SH3GL3: variants seen among roughly 807,000 people sequenced by gnomAD.
The protein encoded by SH3GL3 is endophilin-A3.
A neutral mutation model predicts 47.7 loss-of-function variants in SH3GL3; 33 were observed. That is an observed-to-expected ratio of 0.69 (90% CI 0.52 to 0.92). SH3GL3 has a LOEUF of 0.92. Ranked by LOEUF, SH3GL3 falls within the 40% of genes least tolerant of loss-of-function variation. The pLI is 0.00. For missense variants in SH3GL3, 363 were observed against 417.8 expected, an observed-to-expected ratio of 0.87 and a Z score of 1.14; for synonymous variants, 155 against 148.8, an observed-to-expected ratio of 1.04 and a Z score of -0.30.
intron 1 of SH3GL3, among the ~76,000 whole-genome samples, chr15:83,480,495 A>G (rs909559287): frequency 6.6e-6 from 1 of 152,220 alleles, no homozygotes; most frequent in Non-Finnish European, 1.5e-5. Context: ...TGGGGCCAGC[A>G]TGAGCCTGGG....
At chr15:83,560,134 G>A (rs1391889535) in intron 2 of SH3GL3, among the ~76,000 whole-genome samples, 1 of 152,174 alleles carries the variant, frequency 6.6e-6, no homozygotes, top group Non-Finnish European at 1.5e-5. Flanking sequence ...CCCCAGAGGA[G>A]AGAGGGAGGA....
intron 1 of SH3GL3, among the ~76,000 whole-genome samples, chr15:83,544,290 G>C (rs958797522): frequency 6.6e-6 from 1 of 152,028 alleles, no homozygotes; most frequent in African/African-American, 2.4e-5. Context: ...GTAGCATACT[G>C]TTTAATTTTC....
At chr15:83,605,046 C>A (rs1474624869) in intron 8 of SH3GL3, among the ~76,000 whole-genome samples, 2 of 152,176 alleles carry the variant, frequency 1.3e-5, no homozygotes, top group African/African-American at 4.8e-5. Context: ...AGTGCTTTGT[C>A]CCCTCTTTCT....
In SH3GL3 at chr15:83,483,879, G is replaced by A. The variant is rs543591902; in HGVS notation, c.45+36301G>A. Reference sequence around the variant, plus strand: ...AGAAATTTCTCAAAGCTGCTGCCAGGAAGTTGGGAGTTGTCCTAGTTTGTA... The same window carrying A: ...AGAAATTTCTCAAAGCTGCTGCCAGAAAGTTGGGAGTTGTCCTAGTTTGTA... On this transcript the variant is annotated intron_variant, in intron 1 of 8. Coordinates refer to ENST00000427482, the MANE Select transcript of SH3GL3 (RefSeq NM_003027.5). 7.2e-5 allele frequency among the ~76,000 whole-genome samples: 11 copies of A among 152,280 alleles called. No homozygotes were observed. In the South Asian group the frequency reaches 2.3e-3, roughly 32 times the overall value.
chr15:83,449,544 C>T (rs145599706), intron 1 of SH3GL3, among the ~76,000 whole-genome samples: 69 of 152,262 alleles, frequency 4.5e-4, no homozygotes, highest in African/African-American at 1.4e-3. Context: ...TCAGAGATAA[C>T]GTAAGCCCTT....
intron 1 of SH3GL3, among the ~76,000 whole-genome samples, chr15:83,490,266 T>A (rs1009276887): frequency 8.1e-6 from 1 of 124,194 alleles, no homozygotes; most frequent in African/African-American, 4.4e-5. Context: ...TGATTTTGCG[T>A]TTTTTTTTTT....
chr15:83,613,620 AATCTATCT>A (rs71453208), intron 8 of SH3GL3, among the ~76,000 whole-genome samples: 27,668 of 146,692 alleles, frequency 0.19, 2,605 homozygotes, highest in Admixed American at 0.22. Flanking sequence ...GAAATATATA[AATCTATCT>A]ATCTATCTAT....
At chr15:83,585,983 C>G (rs898240142) in intron 6 of SH3GL3, among the ~76,000 whole-genome samples, 1 of 152,174 alleles carries the variant, frequency 6.6e-6, no homozygotes, top group African/African-American at 2.4e-5. Context: ...ATAAATGAAT[C>G]AGCAGGCAGA....
At chr15:83,481,465 A>G (rs1596068723) in intron 1 of SH3GL3, among the ~76,000 whole-genome samples, 2 of 152,258 alleles carry the variant, frequency 1.3e-5, no homozygotes, top group South Asian at 4.1e-4. Context: ...CTGCATTTAA[A>G]TTGCTACTTC....
At chr15:83,473,034 C>T (rs1261576608) in intron 1 of SH3GL3, among the ~76,000 whole-genome samples, 1 of 152,152 alleles carries the variant, frequency 6.6e-6, no homozygotes, top group African/African-American at 2.4e-5. Context: ...GGTATGAGTG[C>T]CTTGTTACTG....
intron 1 of SH3GL3, among the ~76,000 whole-genome samples, chr15:83,461,424 T>C (rs7165448): frequency 0.18 from 27,569 of 152,130 alleles, 2,906 homozygotes; most frequent in South Asian, 0.45. Flanking sequence ...TTATAATTTT[T>C]ATGACTTTTA....
At chr15:83,587,203 A>T (rs1274109992) in intron 7 of SH3GL3, 117 bp downstream of exon 7, 2 of 587,964 alleles carry the variant, frequency 3.4e-6, no homozygotes, top group Admixed American at 6.5e-5. Flanking sequence ...TTCTGTTTTG[A>T]ATTTTCTTTC....
At chr15:83,541,030 C>T (rs183473406) in intron 1 of SH3GL3, among the ~76,000 whole-genome samples, 122 of 152,278 alleles carry the variant, frequency 8.0e-4, no homozygotes, top group Admixed American at 2.0e-3. Flanking sequence ...CAAATGAGAA[C>T]ATCTGATGTT....
intron 6 of SH3GL3, among the ~76,000 whole-genome samples, chr15:83,581,070 G>T (rs1432503716): frequency 6.6e-6 from 1 of 152,198 alleles, no homozygotes; most frequent in Non-Finnish European, 1.5e-5. Flanking sequence ...GGGAAGAGCT[G>T]GTGCCTTCTC....
chr15:83,547,262 G>A (rs747737108), intron 1 of SH3GL3, among the ~76,000 whole-genome samples: 1 of 152,160 alleles, frequency 6.6e-6, no homozygotes, highest in South Asian at 2.1e-4. Context: ...TTTGGCTAGG[G>A]CTAGTCTAAG....
At chr15:83,614,034 T>G (rs1027103880) in intron 8 of SH3GL3, among the ~76,000 whole-genome samples, 1 of 152,190 alleles carries the variant, frequency 6.6e-6, no homozygotes, top group African/African-American at 2.4e-5. Flanking sequence ...ATAATTATTT[T>G]TATAATCCAC....
chr15:83,564,863 T>C lies in SH3GL3; in HGVS notation c.115-271T>C, dbSNP rs56913421. Among the ~76,000 whole-genome samples the C allele has an allele frequency of 2.7e-3, 406 of 152,276 alleles. 3 individuals carry two copies. The highest frequency in any genetic ancestry group is 9.5e-3 in the African/African-American group (393 of 41,560). On this transcript the variant is annotated intron_variant, in intron 2 of 8. Coordinates refer to ENST00000427482, the MANE Select transcript of SH3GL3 (RefSeq NM_003027.5). ...ATAATCTAGTGGAGCATAATAACTT[T>C]TCCAGATTTTCTAAATATTACCTTA...
intron 1 of SH3GL3, among the ~76,000 whole-genome samples, chr15:83,511,797 C>G (rs1219127820): frequency 6.6e-6 from 1 of 152,166 alleles, no homozygotes; most frequent in African/African-American, 2.4e-5. Flanking sequence ...TCCCAGGAAG[C>G]CACACCCTTG....
intron 1 of SH3GL3, among the ~76,000 whole-genome samples, chr15:83,557,276 G>A (rs1202243639): frequency 6.6e-6 from 1 of 152,144 alleles, no homozygotes; most frequent in Non-Finnish European, 1.5e-5. Flanking sequence ...TTTCACTACT[G>A]AACAACAACA....
Sources: allele counts gnomAD v4.1 joint callset (sites outside exome capture counted in the v4.1 genomes callset), GRCh38; gene constraint gnomAD v4.1.1; transcripts MANE v1.5; gene names NCBI Gene and HGNC (gene_info 2026-07-23, HGNC 2026-07-21).